Variants in MYB observed in about 807,000 individuals in gnomAD.
The protein encoded by MYB is transcriptional activator Myb.
In MYB, 28 loss-of-function variants were observed where a neutral mutation model predicts 92.9. The ratio of observed to expected loss-of-function variants is 0.30; its 90% CI spans 0.22 to 0.41. The LOEUF is 0.41. MYB is among the 10% of genes least tolerant of loss of function. MYB has a pLI of 1.00. For missense variants in MYB, 679 were observed against 929.3 expected, an observed-to-expected ratio of 0.73 and a Z score of 3.50; for synonymous variants, 295 against 329.1, an observed-to-expected ratio of 0.90 and a Z score of 1.12.
Position 135,194,469 on chromosome 6 carries a change from G to A in MYB, c.948+9G>A. On this transcript the variant is annotated intron_variant, in intron 8 of 15. Transcript: ENST00000341911. ...GACAGCAGGTGCTACCAGTAAGACT[G>A]TCATCATGTGCTTGAATGAGGGGAT... The A allele has an allele frequency of 6.3e-7, 1 of 1,591,424 alleles. No homozygotes were observed. The highest frequency in any genetic ancestry group is 8.6e-7 in the Non-Finnish European group (1 of 1,160,818).
Position 135,185,927 on chromosome 6 carries a change from T to C in MYB, c.48T>C (p.Asp16=), listed in dbSNP as rs757325217. 12 of 1,613,972 alleles carry C rather than the reference T, an allele frequency of 7.4e-6. No homozygotes were observed. In the Admixed American group the frequency reaches 2.0e-4, roughly 27 times the overall value. Reference sequence around the variant, plus strand: ...GCATATATAGCAGTGACGAGGATGATGAGGACTTTGAGATGTGTGACCATG... The same window carrying C: ...GCATATATAGCAGTGACGAGGATGACGAGGACTTTGAGATGTGTGACCATG... The part of the protein sequence containing the change: ...RHSIYSSDED[D]EDFEMCDHDY... Residue 16 remains aspartate (D), a synonymous_variant, in exon 2 of 16, where the codon GAT becomes GAC. Coordinates refer to ENST00000341911, the MANE Select transcript of MYB (RefSeq NM_001130173.2).
rs957497385 is a variant in MYB, at chr6:135,194,238, T to G, written c.844-118T>G. ...CAGGAGCCAAATTTGGTTGGTGGTG[T>G]TGTCACAGTGAGGCTCTTTGGGCTG... On this transcript the variant is annotated intron_variant, in intron 7 of 15. Transcript: ENST00000341911. The G allele has an allele frequency of 2.2e-5, 16 of 735,590 alleles. No individual in the cohort carries two copies. In the Middle Eastern group the frequency reaches 1.2e-3, roughly 54 times the overall value. 45.6% of individuals were successfully genotyped at this position (735,590 alleles called of 1,614,324 possible).
intron 14 of MYB, chr6:135,202,828 T>A: frequency 2.3e-6 from 1 of 426,584 alleles, no homozygotes; most frequent in South Asian, 1.8e-5. Context: ...TTTTTGCCAA[T>A]AATTTATAGC....
chr6:135,192,482 C>T lies in MYB; in HGVS notation c.686C>T (p.Thr229Ile). Residue 229 changes from threonine to isoleucine, a missense_variant, in exon 6 of 16, where the codon ACA becomes ATA. Thr to Ile is a moderately conservative substitution (Grantham distance 89). Coordinates refer to ENST00000341911, the MANE Select transcript of MYB (RefSeq NM_001130173.2). ...ATGGGTTTTGCTCAGGCTCCGCCTA[C>T]AGCTCAACTCCCTGCCACTGGCCAG... Reference protein sequence around the residue: ...HLMGFAQAPPTAQLPATGQPT... With the variant: ...HLMGFAQAPPIAQLPATGQPT... 6.2e-7 allele frequency: 1 copy of T among 1,614,260 alleles called. No homozygotes were observed. The highest frequency in any genetic ancestry group is 1.1e-5 in the South Asian group (1 of 91,088).
intron 6 of MYB, among the ~76,000 whole-genome samples, chr6:135,192,967 A>G (rs1776816268): frequency 6.6e-6 from 1 of 152,234 alleles, no homozygotes; most frequent in Non-Finnish European, 1.5e-5. Flanking sequence ...AGGTAGTATT[A>G]TGTTTAAAGA....
Position 135,217,801 on chromosome 6 carries a change from T to C in MYB, c.2170-63T>C, listed in dbSNP as rs138393253. 4.3e-5 allele frequency: 51 copies of C among 1,176,784 alleles called. No individual in the cohort carries two copies. In the African/African-American group the frequency reaches 6.6e-4, roughly 15 times the overall value. 72.9% of individuals were successfully genotyped at this position (1,176,784 alleles called of 1,614,324 possible). On this transcript the variant is annotated intron_variant, in intron 15 of 15. Coordinates refer to ENST00000341911, the MANE Select transcript of MYB (RefSeq NM_001130173.2). ...GCCATCTGTTGGTCAGTGCTGGCCC[T>C]GCTGGGTCTATAGAATGAGCTTCTT...
At chr6:135,188,600 C>G (rs576382087) in intron 3 of MYB, among the ~76,000 whole-genome samples, 1 of 151,588 alleles carries the variant, frequency 6.6e-6, no homozygotes, top group African/African-American at 2.4e-5. Flanking sequence ...ACCTCCGCCT[C>G]CCAGGTTCAA....
intron 1 of MYB, among the ~76,000 whole-genome samples, chr6:135,183,623 A>C (rs1775479488): frequency 6.6e-6 from 1 of 152,196 alleles, no homozygotes; most frequent in South Asian, 2.1e-4. Flanking sequence ...ACTTAGAGCA[A>C]GCAAATCGCA....
rs1175999117 is a variant in MYB at position 135,208,724 on chromosome 6, C to T, written c.2169+5400C>T. On this transcript the variant is annotated intron_variant, in intron 15 of 15. Coordinates refer to ENST00000341911, the MANE Select transcript of MYB (RefSeq NM_001130173.2). Reference sequence around the variant, plus strand: ...ATTCCAACTAATATAACATTTTATTCTCATGTACTTCCAGATGTGTCTCTA... The same window carrying T: ...ATTCCAACTAATATAACATTTTATTTTCATGTACTTCCAGATGTGTCTCTA... Among the ~76,000 whole-genome samples, 29 of 152,112 alleles carry T rather than the reference C, an allele frequency of 1.9e-4. 1 individual carries two copies. Among genetic ancestry groups the T allele is most frequent in the Admixed American group, 1.9e-3 (29 of 15,268 alleles).
rs1443944466 is a variant in MYB, at chr6:135,218,078, C to A, written c.*98C>A. On this transcript the variant is annotated 3_prime_UTR_variant, in exon 16 of 16. Transcript: ENST00000341911. ...AAACTTTTCATGAATGGGAGAAGAA[C>A]CTATTTTTGTTGTGGTACAACAGTT... The A allele has an allele frequency of 4.1e-6, 4 of 967,622 alleles. No homozygotes were observed. The highest frequency in any genetic ancestry group is 6.6e-6 in the Non-Finnish European group (4 of 604,898). 59.9% of individuals were successfully genotyped at this position (967,622 alleles called of 1,614,324 possible).
At position 135,217,239 on chromosome 6, in the gene MYB, C is replaced by T. The variant is rs559507109; in HGVS notation, c.2170-625C>T. On this transcript the variant is annotated intron_variant, in intron 15 of 15. Transcript: ENST00000341911. ...CAAAAATTAGTGGGGCTTGGTGGCA[C>T]GTGCCTGTAGTCCCAGCTGCTTGGG... Among the ~76,000 whole-genome samples, 157 of 152,014 alleles carry T rather than the reference C, an allele frequency of 1.0e-3. 2 individuals carry two copies. The highest frequency in any genetic ancestry group is 0.01 in the Admixed American group (153 of 15,258).
At chr6:135,203,080 A>G (rs1426795754) in intron 14 of MYB, 137 bp from the exon 15 acceptor site, 1 of 715,624 alleles carries the variant, frequency 1.4e-6, no homozygotes, top group African/African-American at 1.8e-5. Context: ...TAGTGGGGAG[A>G]ATTTCTGGCA....
Position 135,185,986 on chromosome 6 carries a change from G to A in MYB, c.107G>A (p.Arg36His), listed in dbSNP as rs1451326893. The A allele has an allele frequency of 3.1e-6, 5 of 1,613,960 alleles. No homozygotes were observed. Among genetic ancestry groups the A allele is most frequent in the Non-Finnish European group, 3.4e-6 (4 of 1,179,988 alleles). The change falls in exon 2 of 16, where the codon CGT (arginine) becomes CAT (histidine). Residue 36 changes from arginine to histidine, a missense_variant. Physicochemically the swap from Arg to His is conservative, Grantham distance 29. Around this residue, in one of 8 missense-constraint regions of MYB, gnomAD observed 88 missense variants for 145.6 expected, o/e 0.60. Coordinates refer to ENST00000341911, the MANE Select transcript of MYB (RefSeq NM_001130173.2). ...GGGCTGCTTCCCAAGTCTGGAAAGC[G>A]TCACTTGGGGAAAACAAGGTGGACC... ...YDGLLPKSGK[R>H]HLGKTRWTRE...
At position 135,194,357 on chromosome 6, in the gene MYB, G is replaced by C. The variant is rs151255794; in HGVS notation, c.845G>C (p.Arg282Thr). 3.1e-6 allele frequency: 5 copies of C among 1,600,730 alleles called. No individual in the cohort carries two copies. Among genetic ancestry groups the C allele is most frequent in the Non-Finnish European group, 4.3e-6 (5 of 1,171,080 alleles). ...ATTTCCCTTACTTTGTAATTTCAGAGACACTATAATGATGAAGACCCTGAG... is the reference window on the plus strand; with the variant it reads ...ATTTCCCTTACTTTGTAATTTCAGACACACTATAATGATGAAGACCCTGAG... Reference protein sequence around the residue: ...VPQPAAAAIQRHYNDEDPEKE... With the variant: ...VPQPAAAAIQTHYNDEDPEKE... The change falls in exon 8 of 16, where the codon AGA (arginine) becomes ACA (threonine). Residue 282 changes from arginine to threonine, a missense_variant and splice_region_variant. Physicochemically the swap from Arg to Thr is moderately conservative, Grantham distance 71. Transcript: ENST00000341911.
At chr6:135,193,735 G>GTT in intron 6 of MYB, 103 bp from the exon 7 acceptor site, 2 of 707,406 alleles carry the variant, frequency 2.8e-6, no homozygotes, top group Non-Finnish European at 4.8e-6. Flanking sequence ...TCAGTAAAGT[G>GTT]TTTTTTTTCT....
intron 7 of MYB, 108 bp from the exon 8 acceptor site, chr6:135,194,248 G>A: frequency 1.3e-6 from 1 of 795,162 alleles, no homozygotes; most frequent in South Asian, 1.8e-5. Flanking sequence ...TTGTCACAGT[G>A]AGGCTCTTTG....
chr6:135,205,415 A>G lies in MYB; in HGVS notation c.2169+2091A>G, dbSNP rs190025000. ...GAAAAAGTCTGTTCTAAATTTCAAA[A>G]AGCCAACACATCAATATACTTGGGG... On this transcript the variant is annotated intron_variant, in intron 15 of 15. Transcript: ENST00000341911. Among the ~76,000 whole-genome samples the G allele has an allele frequency of 1.7e-3, 264 of 152,326 alleles. 1 individual carries two copies. Among genetic ancestry groups the G allele is most frequent in the South Asian group, 2.7e-3 (13 of 4,826 alleles).
At position 135,200,256 on chromosome 6, in the gene MYB, T is replaced by C. The variant is rs549682585; in HGVS notation, c.1825-34T>C. On this transcript the variant is annotated intron_variant, in intron 12 of 15. Coordinates refer to ENST00000341911, the MANE Select transcript of MYB (RefSeq NM_001130173.2). ...GGTTTATTAGTCCCATTAGGAGTTC[T>C]CTCTGATGCAAAAATACCCACTCTT... 1.1e-4 allele frequency: 181 copies of C among 1,613,916 alleles called. 2 individuals carry two copies. In the South Asian group the frequency reaches 1.9e-3, roughly 17 times the overall value.
chr6:135,217,826 TTGTC>T (rs746245145), intron 15 of MYB, 34 bp from the exon 16 acceptor site: 10 of 1,432,354 alleles, frequency 7.0e-6, no homozygotes, highest in African/African-American at 5.6e-5. Context: ...ATGAGCTTCT[TTGTC>T]TGACGCTCCT....
Sources: gnomAD v4.1 joint callset for allele counts (sites outside exome capture counted in the v4.1 genomes callset) on GRCh38, gnomAD v4.1.1 for gene constraint, gnomAD v4.1.1 regional missense constraint, MANE v1.5 for transcripts, NCBI Gene and HGNC (gene_info 2026-07-23, HGNC 2026-07-21) for gene names.